Variants in PCDHA5 observed in about 807,000 individuals in gnomAD.
The protein encoded by PCDHA5 is protocadherin alpha 5, also known as protocadherin alpha-5.
A neutral mutation model predicts 61.6 loss-of-function variants in PCDHA5; 43 were observed. The observed-to-expected ratio is 0.70, with a 90% CI of 0.55 to 0.90. PCDHA5 has a LOEUF of 0.90. Ranked by LOEUF, PCDHA5 falls within the 40% of genes least tolerant of loss-of-function variation. PCDHA5 has a pLI of 0.00. For synonymous variants in PCDHA5, 627 were observed against 543.9 expected (o/e 1.15, Z -2.13); for missense variants, 1,298 against 1,222.7 (o/e 1.06, Z -0.92).
chr5:140,901,493 G>A (rs1407022584), intron 1 of PCDHA5, among the ~76,000 whole-genome samples: 7 of 152,016 alleles, frequency 4.6e-5, no homozygotes, highest in Admixed American at 3.9e-4. Flanking sequence ...CACCTTCATC[G>A]AAAATGAGTT....
At chr5:140,830,275 C>A (rs147028446) in intron 1 of PCDHA5, 3 of 1,613,698 alleles carry the variant, frequency 1.9e-6, no homozygotes, top group Non-Finnish European at 2.5e-6. Context: ...CGCCACCCAC[C>A]GAGGGCGCGT....
Position 140,856,334 on chromosome 5 carries a change from G to C in PCDHA5, c.2352+32207G>C, listed in dbSNP as rs1262477114. 11 of 1,598,498 alleles carry C rather than the reference G, an allele frequency of 6.9e-6. 1 individual carries two copies. The Admixed American group carries it at 1.3e-4, about 20-fold the overall frequency. On this transcript the variant is annotated intron_variant, in intron 1 of 3. Coordinates refer to ENST00000529859, the MANE Select transcript of PCDHA5 (RefSeq NM_018908.3). ...TCGGATTGACCGCGAGGAGCTGTGC[G>C]GGCGGAGCGTGGAGTGCAGCATCCA...
At chr5:140,941,523 A>T (rs1351933430) in intron 1 of PCDHA5, among the ~76,000 whole-genome samples, 1 of 151,186 alleles carries the variant, frequency 6.6e-6, no homozygotes, top group Non-Finnish European at 1.5e-5. Flanking sequence ...CACCATCTTG[A>T]CCAGGCTGGT....
intron 1 of PCDHA5, chr5:140,836,621 G>A (rs2150265986): frequency 1.9e-5 from 31 of 1,613,494 alleles, no homozygotes; most frequent in Non-Finnish European, 2.5e-5. Context: ...GCGCGGTGGG[G>A]AGCTGGTCAT....
chr5:140,832,192 A>C (rs1239863320), intron 1 of PCDHA5, among the ~76,000 whole-genome samples: 1 of 152,208 alleles, frequency 6.6e-6, no homozygotes, highest in East Asian at 1.9e-4. Context: ...AAGACATTTA[A>C]CCTGCTGAGT....
At chr5:140,842,621 T>C in intron 1 of PCDHA5, 1 of 1,576,496 alleles carries the variant, frequency 6.3e-7, no homozygotes, top group East Asian at 2.2e-5. Flanking sequence ...GGGCTCGCCT[T>C]CGCTGTGGGC....
At chr5:140,964,998 G>C (rs2095868277) in intron 1 of PCDHA5, among the ~76,000 whole-genome samples, 1 of 152,166 alleles carries the variant, frequency 6.6e-6, no homozygotes, top group Admixed American at 6.5e-5. Flanking sequence ...TTTGAATTCT[G>C]GGTGTCAGGA....
At chr5:140,865,628 G>A (rs2048940891) in intron 1 of PCDHA5, 1 of 152,162 alleles carries the variant, frequency 6.6e-6, no homozygotes, top group African/African-American at 2.4e-5. Flanking sequence ...TAGACATCAT[G>A]AAGGGACTTA....
intron 1 of PCDHA5, chr5:140,882,622 T>C (rs782369081): frequency 1.1e-4 from 185 of 1,614,060 alleles, no homozygotes; most frequent in Non-Finnish European, 1.5e-4. Context: ...AGGTTTTCCA[T>C]GTGGAGGTGA....
At chr5:140,877,097 T>G in intron 1 of PCDHA5, 1 of 1,613,308 alleles carries the variant, frequency 6.2e-7, no homozygotes. Context: ...GACGCCGGCG[T>G]GCCGCCTCTG....
At chr5:140,870,720 G>T (rs544150374) in intron 1 of PCDHA5, 8 of 1,613,202 alleles carry the variant, frequency 5.0e-6, no homozygotes, top group Non-Finnish European at 6.8e-6. Flanking sequence ...CGCGCGATGC[G>T]GGCGTGCCGC....
At chr5:140,977,703 A>G (rs1407162368) in intron 1 of PCDHA5, among the ~76,000 whole-genome samples, 1 of 152,192 alleles carries the variant, frequency 6.6e-6, no homozygotes, top group Non-Finnish European at 1.5e-5. Context: ...ATCTGTCTGA[A>G]TATTGAGATG....
intron 1 of PCDHA5, chr5:140,834,661 A>G (rs1200683987): frequency 6.2e-7 from 1 of 1,614,098 alleles, no homozygotes; most frequent in Non-Finnish European, 8.5e-7. Flanking sequence ...ATCGACCGCG[A>G]GGAGCTGTGC....
At chr5:141,007,395 C>CAAAAAAAAAAA (rs35800918) in intron 3 of PCDHA5, among the ~76,000 whole-genome samples, 6 of 94,856 alleles carry the variant, frequency 6.3e-5, no homozygotes, top group South Asian at 3.5e-4. Flanking sequence ...TACTAAAATA[C>CAAAAAAAAAAA]AAAAAAAAAA....
chr5:140,833,496 A>T (rs1266774652), intron 1 of PCDHA5, among the ~76,000 whole-genome samples: 1 of 152,230 alleles, frequency 6.6e-6, no homozygotes. Context: ...CATATTTGAG[A>T]TTGTAAAAAT....
At chr5:140,952,621 T>C (rs1002649302) in intron 1 of PCDHA5, among the ~76,000 whole-genome samples, 3 of 152,168 alleles carry the variant, frequency 2.0e-5, no homozygotes, top group Admixed American at 2.0e-4. Context: ...TCATCTTCCC[T>C]CCACACTATT....
At chr5:140,886,084 G>A (rs1554182347) in intron 1 of PCDHA5, among the ~76,000 whole-genome samples, 1 of 152,140 alleles carries the variant, frequency 6.6e-6, no homozygotes, top group Non-Finnish European at 1.5e-5. Context: ...CCACAACCTG[G>A]ATATTGACAT....
At chr5:140,979,826 G>A (rs1338756237) in intron 2 of PCDHA5, among the ~76,000 whole-genome samples, 1 of 152,184 alleles carries the variant, frequency 6.6e-6, no homozygotes, top group East Asian at 1.9e-4. Context: ...TAATTTTAAA[G>A]AAGAAATAAT....
intron 1 of PCDHA5, chr5:140,968,987 T>C: frequency 6.2e-7 from 1 of 1,614,224 alleles, no homozygotes; most frequent in Non-Finnish European, 8.5e-7. Context: ...TGGCACTGCA[T>C]GCTGTGGAGG....
Sources: allele counts gnomAD v4.1 joint callset (sites outside exome capture counted in the v4.1 genomes callset), GRCh38; gene constraint gnomAD v4.1.1; transcripts MANE v1.5; gene names NCBI Gene and HGNC (gene_info 2026-07-23, HGNC 2026-07-21).